STAM2: variants seen among roughly 807,000 people sequenced by gnomAD.
The protein encoded by STAM2 is signal transducing adapter molecule 2.
Under a neutral mutation model 65.6 loss-of-function variants are expected in STAM2, and 51 were observed. That is an observed-to-expected ratio of 0.78 (90% CI 0.62 to 0.98). The LOEUF is 0.98. STAM2 is among the 50% of genes least tolerant of loss of function. STAM2 has a pLI of 0.00. For missense variants in STAM2, 584 were observed against 617.8 expected (o/e 0.95, Z 0.58); for synonymous variants, 198 against 208.4 (o/e 0.95, Z 0.43).
intron 5 of STAM2, among the ~76,000 whole-genome samples, 192 bp from the exon 6 acceptor site, chr2:152,145,149 T>C (rs1689315008): frequency 6.6e-6 from 1 of 152,150 alleles, no homozygotes; most frequent in East Asian, 1.9e-4. Context: ...TAGCTCACTG[T>C]AACCTCCAAC....
Position 152,148,064 on chromosome 2 carries a change from C to A in STAM2, c.260G>T (p.Arg87Leu), listed in dbSNP as rs373122436. 3 of 1,610,514 alleles carry A rather than the reference C, an allele frequency of 1.9e-6. No individual in the cohort carries two copies. Among genetic ancestry groups the A allele is most frequent in the East Asian group, 2.2e-5 (1 of 44,700 alleles). Residue 87 changes from arginine to leucine, a missense_variant, in exon 4 of 14, where the codon CGT becomes CTT. By Grantham distance (102) the Arg-to-Leu change is moderately radical. Coordinates refer to ENST00000263904, the MANE Select transcript of STAM2 (RefSeq NM_005843.6). ...AGCACGTACTTCTGTTGCAAAATCA[C>A]GGGAACATACTTCTAAATGAAATAT... The part of the protein sequence containing the change: ...GKIFHLEVCS[R>L]DFATEVRAVI...
intron 7 of STAM2, among the ~76,000 whole-genome samples, chr2:152,138,404 T>A (rs929293868): frequency 2.6e-5 from 4 of 152,172 alleles, no homozygotes; most frequent in African/African-American, 9.6e-5. Context: ...AAAGTTGTAA[T>A]TAAAGCATAC....
intron 1 of STAM2, among the ~76,000 whole-genome samples, chr2:152,173,598 T>C (rs1012581096): frequency 6.6e-6 from 1 of 151,944 alleles, no homozygotes; most frequent in African/African-American, 2.4e-5. Flanking sequence ...GGTTTCACCA[T>C]GTTGGTCAGG....
At position 152,118,295 on chromosome 2, in the gene STAM2, G is replaced by C. The variant is rs994843078; in HGVS notation, c.*2279C>G. On this transcript the variant is annotated 3_prime_UTR_variant, in exon 14 of 14. Coordinates refer to ENST00000263904, the MANE Select transcript of STAM2 (RefSeq NM_005843.6). ...AACCCTGTGTTTCTTAACACCGAAA[G>C]AATCATCAGTACACAGATTTAAAAT... The C allele has an allele frequency of 6.6e-6, 1 of 151,680 alleles. No homozygotes were observed. The highest frequency in any genetic ancestry group is 2.4e-5 in the African/African-American group (1 of 41,358). 9.4% of individuals were successfully genotyped at this position (151,680 alleles called of 1,614,324 possible). A position where few individuals can be genotyped will look rare whatever the true frequency, so the allele number is the denominator to read the frequency against.
chr2:152,131,004 A>G (rs1008548650), intron 11 of STAM2, among the ~76,000 whole-genome samples: 30 of 151,066 alleles, frequency 2.0e-4, no homozygotes, highest in African/African-American at 7.0e-4. Context: ...TCAAAAAAAA[A>G]AAAAAAGAAA....
intron 1 of STAM2, among the ~76,000 whole-genome samples, chr2:152,167,382 G>A (rs916996332): frequency 6.6e-6 from 1 of 152,104 alleles, no homozygotes; most frequent in Non-Finnish European, 1.5e-5. Context: ...TCTAAAAGCT[G>A]GGAGCAACAC....
Position 152,120,410 on chromosome 2 carries a change from A to G in STAM2, c.*164T>C, listed in dbSNP as rs965471413. On this transcript the variant is annotated 3_prime_UTR_variant, in exon 14 of 14. Coordinates refer to ENST00000263904, the MANE Select transcript of STAM2 (RefSeq NM_005843.6). ...AAACTGGACTGAAAAAAAAAAAAAA[A>G]AAAAACCTTTTATGGCCTTGTAGAA... The G allele has an allele frequency of 1.7e-6, 1 of 580,850 alleles. No individual in the cohort carries two copies. The highest frequency in any genetic ancestry group is 2.9e-6 in the Non-Finnish European group (1 of 339,414). 36.0% of individuals were successfully genotyped at this position (580,850 alleles called of 1,614,324 possible).
chr2:152,163,127 T>C (rs894588206), intron 1 of STAM2, among the ~76,000 whole-genome samples: 1 of 152,254 alleles, frequency 6.6e-6, no homozygotes, highest in Non-Finnish European at 1.5e-5. Flanking sequence ...ACATAGTTTT[T>C]CTGTTTCCCT....
chr2:152,152,131 G>A (rs557790229), intron 1 of STAM2, among the ~76,000 whole-genome samples: 108 of 152,152 alleles, frequency 7.1e-4, no homozygotes, highest in Non-Finnish European at 1.3e-3. Flanking sequence ...TGTGGAGACG[G>A]GGTTTTGCCA....
intron 1 of STAM2, among the ~76,000 whole-genome samples, chr2:152,166,601 T>C (rs1352671097): frequency 1.3e-5 from 2 of 152,000 alleles, no homozygotes; most frequent in East Asian, 3.9e-4. Context: ...TTAGGTTCAA[T>C]CTCTCCATTA....
intron 11 of STAM2, among the ~76,000 whole-genome samples, chr2:152,126,623 C>G (rs952820218): frequency 6.6e-6 from 1 of 152,134 alleles, no homozygotes; most frequent in Non-Finnish European, 1.5e-5. Context: ...GATTTTCAAG[C>G]TGACTTCTTA....
intron 7 of STAM2, among the ~76,000 whole-genome samples, chr2:152,141,791 A>C (rs1689253093): frequency 6.6e-6 from 1 of 151,900 alleles, no homozygotes; most frequent in South Asian, 2.1e-4. Context: ...GGGTTTCACC[A>C]TATTGACCAG....
chr2:152,130,780 C>T (rs919464736), intron 11 of STAM2, among the ~76,000 whole-genome samples: 26 of 151,188 alleles, frequency 1.7e-4, no homozygotes, highest in African/African-American at 5.1e-4. Context: ...GAGCGGATCA[C>T]GAGGTCAGGA....
chr2:152,133,438 A>T lies in STAM2; in HGVS notation c.846T>A (p.Ile282=). The T allele has an allele frequency of 6.2e-7, 1 of 1,612,928 alleles. No individual in the cohort carries two copies. The highest frequency in any genetic ancestry group is 8.5e-7 in the Non-Finnish European group (1 of 1,179,334). The change falls in exon 9 of 14, where the codon ATT becomes ATA. Residue 282 remains isoleucine, a synonymous_variant. Coordinates refer to ENST00000263904, the MANE Select transcript of STAM2 (RefSeq NM_005843.6). ...LNVIDDDVEE[I]KKSEPEPVYI... is the part of the protein sequence containing the mutation. ...AAACAGGCTCAGGCTCTGATTTCTT[A>T]ATTTCCTCCACATCATCATCAATTA...
At chr2:152,167,457 A>C (rs1689807557) in intron 1 of STAM2, among the ~76,000 whole-genome samples, 1 of 152,270 alleles carries the variant, frequency 6.6e-6, no homozygotes, top group African/African-American at 2.4e-5. Flanking sequence ...TAAAAAACAA[A>C]GGATGAGGGA....
At position 152,153,133 on chromosome 2, in the gene STAM2, CT is replaced by C. The variant is rs557195793; in HGVS notation, c.41-2905del. 6.7e-3 allele frequency among the ~76,000 whole-genome samples: 1,025 copies of C among 152,150 alleles called. 17 individuals are homozygous for C. The highest frequency in any genetic ancestry group is 0.023 in the African/African-American group (967 of 41,530). The stretch of plus-strand genomic sequence containing the variant: ...TTACAGAGCATTTTTACTTTATTAA[CT>C]TTTACAAAAATTTCAATATCAAAGA... On this transcript the variant is annotated intron_variant, in intron 1 of 13. Coordinates refer to ENST00000263904, the MANE Select transcript of STAM2 (RefSeq NM_005843.6).
chr2:152,130,829 T>C, intron 11 of STAM2, among the ~76,000 whole-genome samples: 1 of 150,856 alleles, frequency 6.6e-6, no homozygotes, highest in Admixed American at 6.6e-5. Flanking sequence ...AAACCACATT[T>C]CTACTAAAAA....
chr2:152,123,968 A>G (rs1579309905), intron 12 of STAM2, 33 bp from the exon 13 acceptor site: 1 of 1,572,112 alleles, frequency 6.4e-7, no homozygotes, highest in East Asian at 2.2e-5. Flanking sequence ...TGATTCACTC[A>G]TCTCCCAAAC....
chr2:152,147,160 A>AC lies in STAM2; in HGVS notation c.447+1dup. ...AACCATGGGTCTGAATAAATCTCTC[A>AC]CCTGAGAACCTGCTGGAGGAAAAGT... On this transcript the variant is annotated splice_donor_variant, in intron 5 of 13. Transcript: ENST00000263904. LOFTEE classifies it high-confidence loss of function. 2 of 1,602,226 alleles carry AC rather than the reference A, an allele frequency of 1.2e-6. No homozygotes were observed. Among genetic ancestry groups the AC allele is most frequent in the Non-Finnish European group, 8.5e-7 (1 of 1,176,282 alleles).
Sources: allele counts gnomAD v4.1 joint callset (sites outside exome capture counted in the v4.1 genomes callset), GRCh38; gene constraint gnomAD v4.1.1; transcripts MANE v1.5; gene names NCBI Gene and HGNC (gene_info 2026-07-23, HGNC 2026-07-21).